TNIK: variants seen among roughly 807,000 people sequenced by gnomAD.
The protein encoded by TNIK is TRAF2 and NCK interacting kinase.
A neutral mutation model predicts 191.3 loss-of-function variants in TNIK; 49 were observed. The observed-to-expected ratio is 0.26, with a 90% CI of 0.20 to 0.32. The LOEUF is 0.32. Among genes scored for constraint, TNIK ranks in the 10% least tolerant of loss-of-function variants. TNIK has a pLI of 1.00. For synonymous variants in TNIK, 594 were observed against 600.9 expected (o/e 0.99, Z 0.17); for missense variants, 1,155 against 1,702.3 (o/e 0.68, Z 5.66).
intron 1 of TNIK, among the ~76,000 whole-genome samples, chr3:171,411,066 CTT>C (rs56324481): frequency 0.077 from 10,905 of 141,576 alleles, 502 homozygotes; most frequent in Middle Eastern, 0.2. Flanking sequence ...CATCAATAAT[CTT>C]TTTTTTTTTT....
chr3:171,150,138 G>C (rs7615625), intron 12 of TNIK, among the ~76,000 whole-genome samples: 55,174 of 152,014 alleles, frequency 0.36, 10,178 homozygotes, highest in Admixed American at 0.43. Context: ...CAGCTTCAAG[G>C]CCTCACCCTG....
intron 1 of TNIK, among the ~76,000 whole-genome samples, chr3:171,440,759 G>T (rs910340101): frequency 3.9e-5 from 6 of 152,146 alleles, no homozygotes; most frequent in African/African-American, 1.4e-4. Flanking sequence ...GTTAACAAAT[G>T]AACAAATGGC....
intron 2 of TNIK, among the ~76,000 whole-genome samples, chr3:171,354,506 T>TA (rs1179676817): frequency 2.6e-5 from 4 of 152,192 alleles, no homozygotes; most frequent in Non-Finnish European, 5.9e-5. Flanking sequence ...TCTGTGTCCT[T>TA]ACCCTTGGGC....
At chr3:171,454,041 C>G (rs1728506584) in intron 1 of TNIK, among the ~76,000 whole-genome samples, 1 of 152,206 alleles carries the variant, frequency 6.6e-6, no homozygotes, top group Admixed American at 6.5e-5. Flanking sequence ...TTAAGATTTT[C>G]TTAGAATTCT....
intron 2 of TNIK, among the ~76,000 whole-genome samples, chr3:171,306,650 C>A (rs906933870): frequency 4.6e-5 from 7 of 152,092 alleles, no homozygotes; most frequent in Non-Finnish European, 4.4e-5. Context: ...TGAACAACAA[C>A]AACAAAATTA....
At chr3:171,082,994 A>G (rs1211887829) in intron 26 of TNIK, among the ~76,000 whole-genome samples, 1 of 152,166 alleles carries the variant, frequency 6.6e-6, no homozygotes, top group African/African-American at 2.4e-5. Flanking sequence ...TACTCACTTT[A>G]AGGGACTTCT....
chr3:171,454,762 T>C (rs1418465356), intron 1 of TNIK, among the ~76,000 whole-genome samples: 1 of 152,186 alleles, frequency 6.6e-6, no homozygotes. Flanking sequence ...TAGACCAAAT[T>C]TAATTAAGTG....
intron 4 of TNIK, among the ~76,000 whole-genome samples, chr3:171,207,631 C>T (rs934395511): frequency 2.0e-5 from 3 of 152,146 alleles, no homozygotes; most frequent in African/African-American, 7.2e-5. Context: ...TGATAATGAG[C>T]TGGAGGATAA....
intron 2 of TNIK, among the ~76,000 whole-genome samples, chr3:171,327,131 ATGCAAT>A (rs1755861561): frequency 6.6e-6 from 1 of 152,244 alleles, no homozygotes; most frequent in Non-Finnish European, 1.5e-5. Context: ...GGGGTCTGTT[ATGCAAT>A]TATACCTCAG....
chr3:171,448,966 T>C (rs1727852931), intron 1 of TNIK, among the ~76,000 whole-genome samples: 1 of 152,096 alleles, frequency 6.6e-6, no homozygotes, highest in African/African-American at 2.4e-5. Context: ...TATGTTCTCA[T>C]TGTTCAACTC....
chr3:171,194,685 C>T, intron 4 of TNIK, 50 bp from the exon 5 acceptor site: 2 of 1,545,590 alleles, frequency 1.3e-6, no homozygotes, highest in East Asian at 4.5e-5. Context: ...TTCACTGCTT[C>T]CATTAAGTTG....
chr3:171,186,950 C>T (rs1737437908), intron 7 of TNIK, among the ~76,000 whole-genome samples: 1 of 152,196 alleles, frequency 6.6e-6, no homozygotes, highest in Non-Finnish European at 1.5e-5. Context: ...AGAAGGAAAG[C>T]CTCTTCTAGA....
intron 1 of TNIK, among the ~76,000 whole-genome samples, chr3:171,397,080 G>A (rs572044143): frequency 5.6e-4 from 85 of 152,340 alleles, no homozygotes; most frequent in Non-Finnish European, 1.0e-3. Context: ...GAAGGAAAGA[G>A]ATTAAGGAGC....
chr3:171,110,939 A>C, intron 18 of TNIK, 62 bp from the exon 19 acceptor site: 1 of 1,461,402 alleles, frequency 6.8e-7, no homozygotes, highest in Non-Finnish European at 9.1e-7. Context: ...TGCAGATCAC[A>C]TATCTGATAA....
At chr3:171,345,277 C>A (rs573368683) in intron 2 of TNIK, among the ~76,000 whole-genome samples, 2 of 152,278 alleles carry the variant, frequency 1.3e-5, no homozygotes, top group South Asian at 4.1e-4. Flanking sequence ...GCACCATTTT[C>A]CAAGTAATTA....
chr3:171,438,579 A>G (rs1381371084), intron 1 of TNIK, among the ~76,000 whole-genome samples: 1 of 152,248 alleles, frequency 6.6e-6, no homozygotes, highest in Non-Finnish European at 1.5e-5. Context: ...TTATAATTTA[A>G]ATACACCAAT....
intron 2 of TNIK, among the ~76,000 whole-genome samples, chr3:171,316,117 G>A (rs896763178): frequency 6.6e-6 from 1 of 152,052 alleles, no homozygotes. Context: ...TGGGTTTGGT[G>A]CTTATCACCT....
intron 1 of TNIK, among the ~76,000 whole-genome samples, chr3:171,432,539 G>A (rs775109724): frequency 2.6e-5 from 4 of 152,134 alleles, no homozygotes; most frequent in Non-Finnish European, 2.9e-5. Flanking sequence ...CTAACCAGAC[G>A]GAAAATCAGG....
intron 7 of TNIK, among the ~76,000 whole-genome samples, chr3:171,185,124 G>A (rs1737194825): frequency 6.6e-6 from 1 of 151,754 alleles, no homozygotes; most frequent in Admixed American, 6.6e-5. Context: ...CCATCCACAT[G>A]CCCTATTCAA....
Sources: gnomAD v4.1 joint callset for allele counts (sites outside exome capture counted in the v4.1 genomes callset) on GRCh38, gnomAD v4.1.1 for gene constraint, MANE v1.5 for transcripts, NCBI Gene and HGNC (gene_info 2026-07-23, HGNC 2026-07-21) for gene names.